The following DLGAP2 variants were observed in gnomAD, a reference collection of about 807,000 sequenced individuals.
DLGAP2 encodes the protein disks large-associated protein 2.
Under a neutral mutation model 100.3 loss-of-function variants are expected in DLGAP2, and 26 were observed. The observed-to-expected ratio is 0.26, with a 90% CI of 0.19 to 0.36. DLGAP2 has a LOEUF of 0.36. DLGAP2 is among the 10% of genes least tolerant of loss of function. The pLI is 1.00. For synonymous variants in DLGAP2, 886 were observed against 630.1 expected, an observed-to-expected ratio of 1.41 and a Z score of -6.08; for missense variants, 1,858 against 1,453.2, an observed-to-expected ratio of 1.28 and a Z score of -4.53.
chr8:1,284,384 C>T (rs775335605), intron 3 of DLGAP2, among the ~76,000 whole-genome samples: 1 of 152,100 alleles, frequency 6.6e-6, no homozygotes, highest in Non-Finnish European at 1.5e-5. Context: ...ATGATCCCAT[C>T]AGTAATTGAG....
chr8:778,330 CCTT>C (rs1163521924), intron 1 of DLGAP2, among the ~76,000 whole-genome samples: 2 of 152,218 alleles, frequency 1.3e-5, no homozygotes, highest in Non-Finnish European at 2.9e-5. Context: ...TCGTCTGAAG[CCTT>C]CTTCTCTCAG....
At chr8:793,364 T>G (rs535927656) in intron 1 of DLGAP2, among the ~76,000 whole-genome samples, 19 of 152,352 alleles carry the variant, frequency 1.2e-4, no homozygotes, top group African/African-American at 4.6e-4. Context: ...GTTGTCTTTC[T>G]TTGTCAATAA....
At chr8:1,619,511 T>G (rs1487668100) in intron 6 of DLGAP2, among the ~76,000 whole-genome samples, 1 of 152,254 alleles carries the variant, frequency 6.6e-6, no homozygotes, top group African/African-American at 2.4e-5. Flanking sequence ...AAGTTTACCT[T>G]GTTCTTTTAA....
At chr8:1,243,698 G>T (rs376351040) in intron 2 of DLGAP2, among the ~76,000 whole-genome samples, 1 of 152,090 alleles carries the variant, frequency 6.6e-6, no homozygotes, top group Admixed American at 6.5e-5. Flanking sequence ...TGCCCATGCC[G>T]CTGCCTCAGT....
intron 1 of DLGAP2, among the ~76,000 whole-genome samples, chr8:828,182 A>C (rs977551298): frequency 6.6e-6 from 1 of 152,228 alleles, no homozygotes; most frequent in African/African-American, 2.4e-5. Flanking sequence ...ACATCTTATC[A>C]GGAGACAGGG....
chr8:1,676,734 G>T (rs529173105), intron 11 of DLGAP2, 116 bp downstream of exon 11: 1 of 998,070 alleles, frequency 1.0e-6, no homozygotes, highest in African/African-American at 1.6e-5. Flanking sequence ...TGTGGAAACA[G>T]GGCCATACGT....
At chr8:1,156,591 C>T (rs1190669081) in intron 2 of DLGAP2, among the ~76,000 whole-genome samples, 1 of 99,174 alleles carries the variant, frequency 1.0e-5, no homozygotes, top group South Asian at 3.2e-4. Context: ...CCCCCCAGCC[C>T]AGCGCCCCAG....
At chr8:1,204,638 T>G (rs929136430) in intron 2 of DLGAP2, among the ~76,000 whole-genome samples, 2 of 152,190 alleles carry the variant, frequency 1.3e-5, no homozygotes, top group Non-Finnish European at 2.9e-5. Flanking sequence ...AACTGCATGT[T>G]GGCTGATTCG....
At chr8:824,199 T>C (rs1490177644) in intron 1 of DLGAP2, among the ~76,000 whole-genome samples, 3 of 152,102 alleles carry the variant, frequency 2.0e-5, no homozygotes, top group Admixed American at 2.0e-4. Flanking sequence ...CTCAGCCTCC[T>C]GAGTAGCTGG....
intron 2 of DLGAP2, among the ~76,000 whole-genome samples, chr8:1,175,382 A>G (rs1289891120): frequency 3.9e-5 from 6 of 152,258 alleles, no homozygotes; most frequent in Non-Finnish European, 1.5e-5. Context: ...GAAGAATATC[A>G]TTAGCTGTAA....
intron 5 of DLGAP2, among the ~76,000 whole-genome samples, chr8:1,558,779 CAT>C (rs1390312339): frequency 1.3e-5 from 2 of 151,750 alleles, no homozygotes; most frequent in Non-Finnish European, 2.9e-5. Flanking sequence ...CACACATACA[CAT>C]ATACGCACAT....
At chr8:1,546,035 T>C (rs377342140) in intron 4 of DLGAP2, among the ~76,000 whole-genome samples, 31 of 152,380 alleles carry the variant, frequency 2.0e-4, no homozygotes, top group African/African-American at 7.2e-4. Context: ...ATAGTTTTGC[T>C]ATTTAGCAGT....
rs539292107 is a variant in DLGAP2, at chr8:985,810, G to C, written c.73+77844G>C. On this transcript the variant is annotated intron_variant, in intron 2 of 14. Transcript: ENST00000637795. Reference sequence around the variant, plus strand: ...CCCCAGATGTGAGAGTGAGGGATGTGTGGTTCATTAGCAGCAAGGACCACA... The same window carrying C: ...CCCCAGATGTGAGAGTGAGGGATGTCTGGTTCATTAGCAGCAAGGACCACA... 9.2e-5 allele frequency among the ~76,000 whole-genome samples: 14 copies of C among 152,288 alleles called. No homozygotes were observed. In the East Asian group the frequency reaches 2.1e-3, roughly 23 times the overall value.
At chr8:894,649 G>A (rs1021746671) in intron 1 of DLGAP2, among the ~76,000 whole-genome samples, 10 of 140,934 alleles carry the variant, frequency 7.1e-5, no homozygotes, top group Non-Finnish European at 1.4e-4. Flanking sequence ...GGAGAGTGGA[G>A]TGGCGGCTGG....
chr8:1,514,603 C>T (rs1245100555), intron 4 of DLGAP2, among the ~76,000 whole-genome samples: 1 of 152,216 alleles, frequency 6.6e-6, no homozygotes, highest in Non-Finnish European at 1.5e-5. Flanking sequence ...CCAGGCGCCG[C>T]TAGAGAACTT....
At chr8:1,553,307 A>C (rs1043743093) in intron 5 of DLGAP2, among the ~76,000 whole-genome samples, 1 of 152,078 alleles carries the variant, frequency 6.6e-6, no homozygotes, top group Admixed American at 6.5e-5. Context: ...CCCGGCCGCA[A>C]CCCTGGCCCT....
At chr8:1,366,468 G>A (rs1802111015) in intron 3 of DLGAP2, among the ~76,000 whole-genome samples, 1 of 152,182 alleles carries the variant, frequency 6.6e-6, no homozygotes, top group African/African-American at 2.4e-5. Context: ...TCTGAAGTGG[G>A]GGGCAGCCCA....
chr8:847,389 A>G (rs1042276066), intron 1 of DLGAP2, among the ~76,000 whole-genome samples: 1 of 152,176 alleles, frequency 6.6e-6, no homozygotes, highest in Non-Finnish European at 1.5e-5. Flanking sequence ...AAAAGTTTTA[A>G]TATCAGTGTA....
At chr8:1,090,092 G>T (rs2600503) in intron 2 of DLGAP2, among the ~76,000 whole-genome samples, 5 of 134,784 alleles carry the variant, frequency 3.7e-5, no homozygotes, top group African/African-American at 5.7e-5. Flanking sequence ...GCCCTCCTGG[G>T]CAGACAGGGG....
Sources: gnomAD v4.1 joint callset for allele counts (sites outside exome capture counted in the v4.1 genomes callset) on GRCh38, gnomAD v4.1.1 for gene constraint, MANE v1.5 for transcripts, NCBI Gene and HGNC (gene_info 2026-07-23, HGNC 2026-07-21) for gene names.